PRKDC: variants seen among roughly 807,000 people sequenced by gnomAD.
The protein encoded by PRKDC is protein kinase, DNA-activated, catalytic subunit, also known as DNA-dependent protein kinase catalytic subunit.
In PRKDC, 82 loss-of-function variants were observed where a neutral mutation model predicts 486.9. That is an observed-to-expected ratio of 0.17 (90% CI 0.14 to 0.20). PRKDC has a LOEUF of 0.20. Among genes scored for constraint, PRKDC ranks in the 10% least tolerant of loss-of-function variants. The pLI is 1.00. For missense variants in PRKDC, 4,504 were observed against 5,038.2 expected, an observed-to-expected ratio of 0.89 and a Z score of 3.21; for synonymous variants, 1,895 against 1,837.0, an observed-to-expected ratio of 1.03 and a Z score of -0.81.
Position 47,803,317 on chromosome 8 carries a change from A to C in PRKDC, c.9911T>G (p.Val3304Gly). The C allele has an allele frequency of 6.2e-7, 1 of 1,607,756 alleles. No individual in the cohort carries two copies. Among genetic ancestry groups the C allele is most frequent in the Non-Finnish European group, 8.5e-7 (1 of 1,177,064 alleles). The change falls in exon 70 of 86, where the codon GTC becomes GGC. Residue 3304 changes from valine to glycine, a missense_variant. Physicochemically the swap from Val to Gly is moderately radical, Grantham distance 109. Coordinates refer to ENST00000314191, the MANE Select transcript of PRKDC (RefSeq NM_006904.7). ...SEQVLTVLKT[V>G]SLLDENNVSS... is the part of the protein sequence containing the mutation. ...AGCGGTCAACTTACCCAACAAAGAGACTGTTTTCAGCACAGTGAGCACCTG... is the reference window on the plus strand; with the variant it reads ...AGCGGTCAACTTACCCAACAAAGAGCCTGTTTTCAGCACAGTGAGCACCTG...
At chr8:47,937,613 C>T (rs909302518) in intron 11 of PRKDC, among the ~76,000 whole-genome samples, 3 of 152,212 alleles carry the variant, frequency 2.0e-5, no homozygotes, top group African/African-American at 4.8e-5. Context: ...CCAGGCTCCC[C>T]GAGGATCTGA....
intron 74 of PRKDC, among the ~76,000 whole-genome samples, chr8:47,791,712 G>A (rs2086887094): frequency 6.6e-6 from 1 of 152,070 alleles, no homozygotes; most frequent in Admixed American, 6.6e-5. Flanking sequence ...AACGAATGCT[G>A]GTAAGGATGT....
chr8:47,777,003 T>G lies in PRKDC; in HGVS notation c.12043-20A>C. The G allele has an allele frequency of 6.2e-7, 1 of 1,604,932 alleles. No individual in the cohort carries two copies. Among genetic ancestry groups the G allele is most frequent in the Non-Finnish European group, 8.5e-7 (1 of 1,177,162 alleles). On this transcript the variant is annotated intron_variant, in intron 84 of 85. Coordinates refer to ENST00000314191, the MANE Select transcript of PRKDC (RefSeq NM_006904.7). ...AAAATTCTAGAAGAAAAGAACATGA[T>G]TTTCCCGGCTGATCATAATGGTATA... is the stretch of plus-strand genomic sequence containing the variant.
intron 21 of PRKDC, among the ~76,000 whole-genome samples, chr8:47,923,670 G>T (rs182947482): frequency 1.3e-5 from 2 of 152,318 alleles, no homozygotes; most frequent in Admixed American, 1.3e-4. Context: ...TTCAAAAAGT[G>T]CCATGCTGGC....
intron 10 of PRKDC, among the ~76,000 whole-genome samples, chr8:47,942,022 G>A (rs2090453618): frequency 6.6e-6 from 1 of 152,214 alleles, no homozygotes; most frequent in South Asian, 2.1e-4. Context: ...CCAGCCCTGT[G>A]CTAGGAAAGG....
At chr8:47,789,886 ACT>A (rs1244108906) in intron 74 of PRKDC, among the ~76,000 whole-genome samples, 1 of 152,170 alleles carries the variant, frequency 6.6e-6, no homozygotes, top group Non-Finnish European at 1.5e-5. Flanking sequence ...GATAAAAAAA[ACT>A]CTCAAAAAAT....
In PRKDC at chr8:47,864,616, T is replaced by C. The variant is rs758203231; in HGVS notation, c.5511A>G (p.Arg1837=). The C allele has an allele frequency of 1.9e-6, 3 of 1,609,792 alleles. No homozygotes were observed. Among genetic ancestry groups the C allele is most frequent in the Non-Finnish European group, 2.5e-6 (3 of 1,178,344 alleles). ...LLWHCSLDAL[R]EFFSTIVVDA... is the part of the protein sequence containing the mutation. ...CCACCACAATTGTGCTGAAGAATTCTCTCAAAGCATCCAGGCTACAGTGCC... is the reference window on the plus strand; with the variant it reads ...CCACCACAATTGTGCTGAAGAATTCCCTCAAAGCATCCAGGCTACAGTGCC... Residue 1837 remains arginine (R), a synonymous_variant, in exon 41 of 86, where the codon AGA becomes AGG. Transcript: ENST00000314191.
intron 14 of PRKDC, among the ~76,000 whole-genome samples, chr8:47,934,564 C>T (rs755386045): frequency 2.6e-5 from 4 of 151,970 alleles, no homozygotes; most frequent in African/African-American, 4.8e-5. Context: ...AAATAGATAA[C>T]GGAAAAATAT....
chr8:47,922,608 C>T (rs1471202324), intron 21 of PRKDC, among the ~76,000 whole-genome samples: 1 of 152,118 alleles, frequency 6.6e-6, no homozygotes, highest in Non-Finnish European at 1.5e-5. Flanking sequence ...CTGCACCCAG[C>T]CTGCTTTTCA....
At chr8:47,909,214 G>A (rs1416158693) in intron 25 of PRKDC, among the ~76,000 whole-genome samples, 2 of 152,178 alleles carry the variant, frequency 1.3e-5, no homozygotes, top group African/African-American at 2.4e-5. Context: ...CGGAGGGACC[G>A]GTTGGAGCCG....
rs768410673 is a variant in PRKDC, at chr8:47,900,395, T to G, written c.3342A>C (p.Ala1114=). ...TACCTAAGGACTTCTCATCTGCATG[T>G]GCTAAGGCCAGACTCTCCATGTATA... is the stretch of plus-strand genomic sequence containing the variant. ...LVIYMESLAL[A]HADEKSLGTI... Residue 1114 remains alanine, a synonymous_variant, in exon 28 of 86, where the codon GCA becomes GCC. Transcript: ENST00000314191. The G allele has an allele frequency of 1.9e-6, 3 of 1,610,542 alleles. No individual in the cohort carries two copies. The highest frequency in any genetic ancestry group is 2.5e-6 in the Non-Finnish European group (3 of 1,178,594).
At chr8:47,943,602 C>A (rs1254663590) in intron 9 of PRKDC, among the ~76,000 whole-genome samples, 1 of 152,168 alleles carries the variant, frequency 6.6e-6, no homozygotes. Context: ...TTCATTGAGG[C>A]AAAGTCAGAA....
intron 85 of PRKDC, 139 bp downstream of exon 85, chr8:47,776,705 C>T: frequency 8.2e-7 from 1 of 1,221,424 alleles, no homozygotes; most frequent in Non-Finnish European, 1.1e-6. Flanking sequence ...TCTCTAAGCC[C>T]TGCTTTCCTC....
chr8:47,910,410 C>T (rs988281051), intron 25 of PRKDC, among the ~76,000 whole-genome samples: 5 of 152,092 alleles, frequency 3.3e-5, no homozygotes, highest in African/African-American at 1.2e-4. Context: ...GACCTAATAC[C>T]ATTTATTAAA....
intron 36 of PRKDC, among the ~76,000 whole-genome samples, chr8:47,885,441 C>T (rs2089305713): frequency 6.6e-6 from 1 of 152,046 alleles, no homozygotes; most frequent in Non-Finnish European, 1.5e-5. Context: ...GCATGAGCCA[C>T]CATGCCTGGC....
intron 7 of PRKDC, among the ~76,000 whole-genome samples, chr8:47,949,159 C>A (rs992289126): frequency 6.6e-6 from 1 of 152,216 alleles, no homozygotes; most frequent in Non-Finnish European, 1.5e-5. Flanking sequence ...CTCTGTGCCT[C>A]CCTCTTCCAC....
At chr8:47,937,092 T>TAA (rs1258352052) in intron 11 of PRKDC, among the ~76,000 whole-genome samples, 5 of 119,854 alleles carry the variant, frequency 4.2e-5, no homozygotes, top group African/African-American at 9.3e-5. Flanking sequence ...CGTCTCTACT[T>TAA]AAAAAAAAAA....
intron 51 of PRKDC, 24 bp from the exon 52 acceptor site, chr8:47,852,808 T>C: frequency 1.4e-6 from 2 of 1,394,834 alleles, no homozygotes; most frequent in African/African-American, 1.4e-5. Flanking sequence ...AGAAAAGACA[T>C]ATGCATCAAA....
chr8:47,915,051 G>T (rs1444957726), intron 23 of PRKDC, among the ~76,000 whole-genome samples: 2 of 152,066 alleles, frequency 1.3e-5, no homozygotes, highest in South Asian at 4.1e-4. Context: ...TGGAATTCCC[G>T]ACACTAATAT....
Sources: gnomAD v4.1 joint callset for allele counts (sites outside exome capture counted in the v4.1 genomes callset) on GRCh38, gnomAD v4.1.1 for gene constraint, MANE v1.5 for transcripts, NCBI Gene and HGNC (gene_info 2026-07-23, HGNC 2026-07-21) for gene names.